Variants in PSMD14 observed in about 807,000 individuals in gnomAD.
PSMD14 encodes proteasome 26S subunit, non-ATPase 14.
A neutral mutation model predicts 41.2 loss-of-function variants in PSMD14; 7 were observed. The observed-to-expected ratio is 0.17, with a 90% CI of 0.10 to 0.32. The LOEUF (loss-of-function observed/expected upper bound fraction) is 0.32, where lower values mean the gene tolerates loss of function less well. PSMD14 is among the 10% of genes least tolerant of loss of function. The pLI is 1.00. For synonymous variants in PSMD14, 114 were observed against 122.3 expected (o/e 0.93, Z 0.45); for missense variants, 139 against 375.6 (o/e 0.37, Z 5.21).
At chr2:161,357,660 A>AT (rs1683226322) in intron 3 of PSMD14, among the ~76,000 whole-genome samples, 1 of 152,142 alleles carries the variant, frequency 6.6e-6, no homozygotes, top group African/African-American at 2.4e-5. Flanking sequence ...GGTAATATTC[A>AT]TTTAAGTTTT....
chr2:161,332,252 G>A (rs1044407655), intron 3 of PSMD14, among the ~76,000 whole-genome samples: 1 of 152,116 alleles, frequency 6.6e-6, no homozygotes, highest in Admixed American at 6.6e-5. Context: ...TCACACATTG[G>A]TAAAGGTAGA....
rs763125994 is a variant in PSMD14 at position 161,354,954 on chromosome 2, A to G, written c.49-12524A>G. On this transcript the variant is annotated intron_variant, in intron 3 of 11. Transcript: ENST00000409682. ...TAGGGCCACCAAACTTAGGTGTGCT[A>G]TATTGGAGGAACTCAGTAGGCCTAG... Among the ~76,000 whole-genome samples the G allele has an allele frequency of 2.0e-5, 3 of 152,192 alleles. No homozygotes were observed. The East Asian group carries it at 5.8e-4, about 29-fold the overall frequency.
intron 3 of PSMD14, among the ~76,000 whole-genome samples, chr2:161,343,100 T>C (rs1391268483): frequency 6.6e-6 from 1 of 152,198 alleles, no homozygotes; most frequent in Non-Finnish European, 1.5e-5. Context: ...CTTACCATTT[T>C]AATCATTTTT....
intron 9 of PSMD14, among the ~76,000 whole-genome samples, chr2:161,391,981 A>G (rs1163151246): frequency 6.6e-6 from 1 of 152,178 alleles, no homozygotes; most frequent in African/African-American, 2.4e-5. Context: ...GTTTTCAGAT[A>G]ATTTGTACTA....
At chr2:161,406,789 ACT>A (rs752836502) in intron 10 of PSMD14, among the ~76,000 whole-genome samples, 1 of 152,056 alleles carries the variant, frequency 6.6e-6, no homozygotes, top group East Asian at 1.9e-4. Flanking sequence ...GAGTTTGTGA[ACT>A]CTCTCTTTTA....
rs529354640 is a variant in PSMD14 at position 161,393,928 on chromosome 2, T to C, written c.646-1150T>C. Reference sequence around the variant, plus strand: ...GTGTTTAGTTTCATGATCACTGATATAGAATCCAACCCCAATTTGCTGGTG... The same window carrying C: ...GTGTTTAGTTTCATGATCACTGATACAGAATCCAACCCCAATTTGCTGGTG... On this transcript the variant is annotated intron_variant, in intron 9 of 11. Transcript: ENST00000409682. 9.3e-5 allele frequency among the ~76,000 whole-genome samples: 14 copies of C among 151,202 alleles called. No homozygotes were observed. The East Asian group carries it at 1.4e-3, about 15-fold the overall frequency.
At chr2:161,325,137 A>G (rs1056828885) in intron 3 of PSMD14, among the ~76,000 whole-genome samples, 3 of 152,192 alleles carry the variant, frequency 2.0e-5, no homozygotes, top group African/African-American at 7.2e-5. Context: ...AACTAAGGAC[A>G]TATGCAGCAG....
At chr2:161,323,776 T>C (rs1682652613) in intron 3 of PSMD14, among the ~76,000 whole-genome samples, 1 of 152,236 alleles carries the variant, frequency 6.6e-6, no homozygotes, top group South Asian at 2.1e-4. Flanking sequence ...TAAAGATGTT[T>C]TATTAGTACT....
chr2:161,372,245 A>C (rs572992679), intron 7 of PSMD14, among the ~76,000 whole-genome samples: 2 of 152,216 alleles, frequency 1.3e-5, no homozygotes, highest in South Asian at 2.1e-4. Context: ...AAATCACAAT[A>C]TATTTATGCA....
intron 10 of PSMD14, 52 bp from the exon 11 acceptor site, chr2:161,408,785 G>T: frequency 7.2e-7 from 1 of 1,386,866 alleles, no homozygotes. Context: ...ATCCTGCAGT[G>T]GGAATAGAGG....
At chr2:161,351,841 T>A (rs958401351) in intron 3 of PSMD14, among the ~76,000 whole-genome samples, 1 of 152,184 alleles carries the variant, frequency 6.6e-6, no homozygotes, top group African/African-American at 2.4e-5. Flanking sequence ...ATGGCCACTC[T>A]GCTTACATTT....
chr2:161,379,431 A>G (rs1446658986), intron 7 of PSMD14, among the ~76,000 whole-genome samples: 2 of 152,046 alleles, frequency 1.3e-5, no homozygotes, highest in Non-Finnish European at 2.9e-5. Context: ...AACCTTCAGT[A>G]CAACTATACA....
intron 3 of PSMD14, among the ~76,000 whole-genome samples, chr2:161,326,561 C>T (rs897327918): frequency 2.0e-5 from 3 of 152,050 alleles, no homozygotes; most frequent in African/African-American, 7.2e-5. Context: ...GGTATGTGCC[C>T]AAAATAATTG....
chr2:161,325,293 AATT>A (rs956429645), intron 3 of PSMD14, among the ~76,000 whole-genome samples: 3 of 152,114 alleles, frequency 2.0e-5, no homozygotes, highest in Non-Finnish European at 2.9e-5. Context: ...CATTTTGAAG[AATT>A]ATTTCCGGTG....
intron 3 of PSMD14, among the ~76,000 whole-genome samples, chr2:161,335,673 TGTA>T (rs1682858997): frequency 6.6e-6 from 1 of 152,258 alleles, no homozygotes; most frequent in Non-Finnish European, 1.5e-5. Context: ...CAAACCGTGT[TGTA>T]GTAAATATCT....
intron 3 of PSMD14, among the ~76,000 whole-genome samples, chr2:161,353,523 G>A (rs1330896431): frequency 6.6e-6 from 1 of 152,132 alleles, no homozygotes; most frequent in Non-Finnish European, 1.5e-5. Context: ...CTGCCTTTCA[G>A]TGTGTCATTT....
rs1305487315 is a variant in PSMD14, at chr2:161,341,838, CA to C, written c.48+22981del. On this transcript the variant is annotated intron_variant, in intron 3 of 11. Transcript: ENST00000409682. ...GGGAGACAGAACAAGTCTCCTTCTC[CA>C]AAAAAAAAAAAAAAATTAAAATTAA... 5.3e-3 allele frequency among the ~76,000 whole-genome samples: 369 copies of C among 69,926 alleles called. 3 individuals are homozygous for C. The highest frequency in any genetic ancestry group is 0.016 in the African/African-American group (290 of 18,372). 45.9% of individuals were successfully genotyped at this position (69,926 alleles called of 152,430 possible). A position where few individuals can be genotyped will look rare whatever the true frequency, so the allele number is the denominator to read the frequency against.
intron 3 of PSMD14, among the ~76,000 whole-genome samples, chr2:161,353,939 C>T (rs1011949601): frequency 1.3e-5 from 2 of 152,128 alleles, no homozygotes; most frequent in South Asian, 4.2e-4. Flanking sequence ...TGGGTGCTTC[C>T]CAAAATAACC....
chr2:161,334,601 C>G (rs183086739), intron 3 of PSMD14, among the ~76,000 whole-genome samples: 87 of 152,354 alleles, frequency 5.7e-4, no homozygotes, highest in African/African-American at 2.1e-3. Flanking sequence ...AAGTGCTCCT[C>G]TGTAGAGCAT....
Sources: gnomAD v4.1 joint callset for allele counts (sites outside exome capture counted in the v4.1 genomes callset) on GRCh38, gnomAD v4.1.1 for gene constraint, MANE v1.5 for transcripts, NCBI Gene and HGNC (gene_info 2026-07-23, HGNC 2026-07-21) for gene names.